NXPE2: variants seen among roughly 807,000 people sequenced by gnomAD.
NXPE2 encodes neurexophilin and PC-esterase domain family member 2.
Under a neutral mutation model 34.4 loss-of-function variants are expected in NXPE2, and 34 were observed. The observed-to-expected ratio is 0.99, with a 90% CI of 0.75 to 1.31. The LOEUF is 1.31. Among genes scored for constraint, NXPE2 ranks in the 40% most tolerant of loss-of-function variants. The pLI, the probability that NXPE2 is intolerant of heterozygous loss-of-function variation, is 0.00. For synonymous variants in NXPE2, 235 were observed against 231.3 expected (o/e 1.02, Z -0.15); for missense variants, 649 against 672.5 (o/e 0.97, Z 0.39).
chr11:114,775,819 G>T, the NXPE2 span, among the ~76,000 whole-genome samples: 1 of 150,336 alleles, frequency 6.7e-6, no homozygotes. Context: ...AAGGGTGGTA[G>T]ATACTTGCTA....
At chr11:114,810,651 C>G in the NXPE2 span, among the ~76,000 whole-genome samples, 5 of 151,930 alleles carry the variant, frequency 3.3e-5, no homozygotes, top group African/African-American at 1.2e-4. Context: ...CCATCTCACA[C>G]CAGTTAGAAT....
chr11:114,795,072 T>C, the NXPE2 span, among the ~76,000 whole-genome samples: 1 of 152,156 alleles, frequency 6.6e-6, no homozygotes, highest in Non-Finnish European at 1.5e-5. Flanking sequence ...TTCTGAAGCT[T>C]TAATTGGGTA....
At chr11:114,619,883 T>C in the NXPE2 span, among the ~76,000 whole-genome samples, 1 of 152,064 alleles carries the variant, frequency 6.6e-6, no homozygotes, top group Admixed American at 6.6e-5. Flanking sequence ...GCCTCGTGGG[T>C]AAGAATTCTT....
At chr11:114,763,864 C>T in the NXPE2 span, among the ~76,000 whole-genome samples, 3 of 152,098 alleles carry the variant, frequency 2.0e-5, no homozygotes, top group Non-Finnish European at 4.4e-5. Context: ...GTCTAATTAG[C>T]ATTACTTTTT....
At chr11:114,608,669 T>C in the NXPE2 span, among the ~76,000 whole-genome samples, 11 of 151,868 alleles carry the variant, frequency 7.2e-5, no homozygotes, top group Admixed American at 1.3e-4. Flanking sequence ...ACCCGGTGGA[T>C]AATAAGCATT....
the NXPE2 span, among the ~76,000 whole-genome samples, chr11:114,579,825 G>C: frequency 6.6e-6 from 1 of 152,142 alleles, no homozygotes; most frequent in Non-Finnish European, 1.5e-5. Context: ...TCTAGAAGCT[G>C]GACAATTTAA....
chr11:114,809,028 G>T, the NXPE2 span, among the ~76,000 whole-genome samples: 1 of 152,172 alleles, frequency 6.6e-6, no homozygotes. Context: ...GGGATGCAAG[G>T]CTGGTTCAAC....
intron 3 of NXPE2, among the ~76,000 whole-genome samples, chr11:114,702,933 CT>C (rs1951393370): frequency 6.6e-6 from 1 of 152,158 alleles, no homozygotes; most frequent in African/African-American, 2.4e-5. Flanking sequence ...TTGAAGGTTT[CT>C]GTGGCTCTGG....
the NXPE2 span, among the ~76,000 whole-genome samples, chr11:114,630,697 T>G: frequency 2.7e-5 from 4 of 150,886 alleles, no homozygotes; most frequent in South Asian, 2.1e-4. Flanking sequence ...CTAAAGAGCT[T>G]CTGCACAGCA....
At chr11:114,483,477 T>C in the NXPE2 span, among the ~76,000 whole-genome samples, 17 of 152,202 alleles carry the variant, frequency 1.1e-4, no homozygotes, top group African/African-American at 4.1e-4. Flanking sequence ...CTTAGGAGAT[T>C]GTTGTATAAA....
the NXPE2 span, among the ~76,000 whole-genome samples, chr11:114,619,032 G>T: frequency 6.6e-6 from 1 of 152,020 alleles, no homozygotes; most frequent in Non-Finnish European, 1.5e-5. Context: ...TTGATAATAA[G>T]TGTGGCCTCA....
chr11:114,615,854 C>T, the NXPE2 span, among the ~76,000 whole-genome samples: 4 of 151,688 alleles, frequency 2.6e-5, no homozygotes, highest in East Asian at 1.9e-4. Flanking sequence ...AGAGATGCCT[C>T]GTGTGTAAGC....
At chr11:114,625,051 T>A in the NXPE2 span, among the ~76,000 whole-genome samples, 1 of 150,010 alleles carries the variant, frequency 6.7e-6, no homozygotes, top group South Asian at 2.1e-4. Flanking sequence ...ACTGTTACCC[T>A]GTGGATGATA....
At chr11:114,798,063 A>G in the NXPE2 span, among the ~76,000 whole-genome samples, 96 of 152,336 alleles carry the variant, frequency 6.3e-4, no homozygotes, top group Non-Finnish European at 8.1e-4. Flanking sequence ...CTATTTCTTT[A>G]GGTCTTGCTT....
the NXPE2 span, among the ~76,000 whole-genome samples, chr11:114,735,914 C>T: frequency 7.6e-4 from 116 of 152,154 alleles, no homozygotes; most frequent in African/African-American, 2.6e-3. Context: ...CCTAAGCGTC[C>T]GCCGGTTTGA....
the NXPE2 span, among the ~76,000 whole-genome samples, chr11:114,802,084 C>G: frequency 6.6e-6 from 1 of 152,078 alleles, no homozygotes; most frequent in African/African-American, 2.4e-5. Context: ...GGGACTGAAC[C>G]TTGGGGATGC....
At chr11:114,717,925 T>G in the NXPE2 span, among the ~76,000 whole-genome samples, 20 of 152,166 alleles carry the variant, frequency 1.3e-4, no homozygotes, top group African/African-American at 4.8e-4. Context: ...CAGGACAAAC[T>G]TGGAAGAATA....
intron 2 of NXPE2, 98 bp from the exon 3 acceptor site, chr11:114,697,947 T>G: frequency 5.3e-6 from 6 of 1,139,760 alleles, no homozygotes; most frequent in Non-Finnish European, 5.8e-6. Flanking sequence ...ATTTAATTTA[T>G]CACACTGAAA....
chr11:114,788,863 T>C, the NXPE2 span, among the ~76,000 whole-genome samples: 1 of 152,196 alleles, frequency 6.6e-6, no homozygotes, highest in African/African-American at 2.4e-5. Context: ...CTTCCTTCGA[T>C]TGTCATCTCC....
Sources: allele counts gnomAD v4.1 joint callset (sites outside exome capture counted in the v4.1 genomes callset), GRCh38; gene constraint gnomAD v4.1.1; transcripts MANE v1.5; gene names NCBI Gene and HGNC (gene_info 2026-07-23, HGNC 2026-07-21).